The following CA10 variants were observed in gnomAD, a reference collection of about 807,000 sequenced individuals.
CA10 encodes carbonic anhydrase 10 (inactive), also known as carbonic anhydrase-related protein 10.
CA10 carries 14 observed loss-of-function variants against 44.2 expected under a neutral mutation model. That is an observed-to-expected ratio of 0.32 (90% CI 0.21 to 0.50). The LOEUF is 0.50. CA10 is among the 20% of genes least tolerant of loss of function. The pLI, the probability that CA10 is intolerant of heterozygous loss-of-function variation, is 0.99. For synonymous variants in CA10, 159 were observed against 141.6 expected (o/e 1.12, Z -0.87); for missense variants, 350 against 409.7 (o/e 0.85, Z 1.26).
intron 2 of CA10, among the ~76,000 whole-genome samples, chr17:51,955,904 T>C (rs955795720): frequency 6.6e-6 from 1 of 152,054 alleles, no homozygotes; most frequent in Non-Finnish European, 1.5e-5. Context: ...AGATGACGGA[T>C]TGACGGATGC....
chr17:51,889,756 T>C (rs577127493), intron 3 of CA10, among the ~76,000 whole-genome samples: 39 of 152,308 alleles, frequency 2.6e-4, no homozygotes, highest in African/African-American at 9.1e-4. Context: ...ACCATTTAAC[T>C]ACAAATTTCT....
chr17:51,879,717 C>T (rs1055102844), intron 3 of CA10, among the ~76,000 whole-genome samples: 3 of 152,168 alleles, frequency 2.0e-5, no homozygotes, highest in East Asian at 3.9e-4. Context: ...TTGCTCCCAA[C>T]AGAATCCTGG....
chr17:51,720,917 T>C (rs1817243869), intron 4 of CA10, among the ~76,000 whole-genome samples: 1 of 152,204 alleles, frequency 6.6e-6, no homozygotes, highest in South Asian at 2.1e-4. Flanking sequence ...CATAAAAAAA[T>C]GATGTGAGGT....
chr17:51,928,542 A>G (rs1444662015), intron 3 of CA10, among the ~76,000 whole-genome samples: 1 of 152,170 alleles, frequency 6.6e-6, no homozygotes, highest in African/African-American at 2.4e-5. Context: ...AGTTTTGTGC[A>G]TAAGATACAC....
chr17:52,053,363 T>C (rs1987132074), intron 2 of CA10, among the ~76,000 whole-genome samples: 1 of 151,836 alleles, frequency 6.6e-6, no homozygotes, highest in Non-Finnish European at 1.5e-5. Context: ...GGGAAATCAA[T>C]AGCATGAGAG....
chr17:51,741,271 C>T (rs1250796540), intron 4 of CA10, among the ~76,000 whole-genome samples: 2 of 152,116 alleles, frequency 1.3e-5, no homozygotes, highest in African/African-American at 2.4e-5. Flanking sequence ...TCCAGGGTAG[C>T]GCTTAATTGT....
intron 3 of CA10, among the ~76,000 whole-genome samples, chr17:51,767,057 T>C (rs1905411730): frequency 1.3e-5 from 2 of 152,224 alleles, no homozygotes; most frequent in Non-Finnish European, 2.9e-5. Context: ...TCTTGGCCAT[T>C]GACTAAATCC....
In CA10 at chr17:51,909,584, C is replaced by T. The variant is rs145215629; in HGVS notation, c.279+21406G>A. On this transcript the variant is annotated intron_variant, in intron 3 of 8. Transcript: ENST00000451037. The stretch of plus-strand genomic sequence containing the variant: ...ATTACAGTGTTGAGATGAAACGGAA[C>T]CTGTCAATTTCCAATCATCTATTCA... Among the ~76,000 whole-genome samples the T allele has an allele frequency of 4.1e-4, 63 of 152,178 alleles. 1 individual carries two copies. In the East Asian group the frequency reaches 0.011, roughly 27 times the overall value.
At chr17:51,758,438 G>T (rs1268594677) in intron 3 of CA10, among the ~76,000 whole-genome samples, 1 of 152,182 alleles carries the variant, frequency 6.6e-6, no homozygotes, top group Non-Finnish European at 1.5e-5. Context: ...ACTAAGGCGT[G>T]GGCTAAATCA....
chr17:51,824,818 T>C (rs974818544), intron 3 of CA10, among the ~76,000 whole-genome samples: 2 of 152,258 alleles, frequency 1.3e-5, no homozygotes, highest in Admixed American at 1.3e-4. Flanking sequence ...TCTTAAACTA[T>C]GGTGGACTGA....
rs1342414311 is a variant in CA10 at position 52,157,970 on chromosome 17, G to A, written c.-184C>T. ...CAATATCGCAGTTTGAATTGTTCCG[G>A]CAAATCTCCCCTCGGGCTCGACGGA... is the stretch of plus-strand genomic sequence containing the variant. On this transcript the variant is annotated 5_prime_UTR_variant, in exon 1 of 9. Coordinates refer to ENST00000451037, the MANE Select transcript of CA10 (RefSeq NM_020178.5). The A allele has an allele frequency of 3.2e-6, 2 of 634,296 alleles. No individual in the cohort carries two copies. Among genetic ancestry groups the A allele is most frequent in the Non-Finnish European group, 2.8e-6 (1 of 351,562 alleles). 39.3% of individuals were successfully genotyped at this position (634,296 alleles called of 1,614,324 possible).
chr17:51,781,043 T>C (rs1021117688), intron 3 of CA10, among the ~76,000 whole-genome samples: 1 of 152,124 alleles, frequency 6.6e-6, no homozygotes, highest in African/African-American at 2.4e-5. Context: ...GTGTCTATCA[T>C]AAGTAGTTCA....
intron 2 of CA10, among the ~76,000 whole-genome samples, chr17:51,994,334 A>C (rs1401033293): frequency 6.6e-6 from 1 of 152,076 alleles, no homozygotes. Context: ...TTAAGACCCT[A>C]CATGGTATAA....
At chr17:51,864,564 T>A (rs1023126851) in intron 3 of CA10, among the ~76,000 whole-genome samples, 13 of 152,328 alleles carry the variant, frequency 8.5e-5, no homozygotes, top group African/African-American at 3.1e-4. Flanking sequence ...GACTTTGAAT[T>A]TCTACTTAAA....
intron 3 of CA10, among the ~76,000 whole-genome samples, chr17:51,848,198 G>T (rs911628318): frequency 4.6e-5 from 7 of 152,322 alleles, no homozygotes; most frequent in Non-Finnish European, 2.9e-5. Context: ...TCTTCATTTG[G>T]TTGATGCATC....
At chr17:51,932,848 T>C (rs1982717774) in intron 2 of CA10, among the ~76,000 whole-genome samples, 1 of 152,178 alleles carries the variant, frequency 6.6e-6, no homozygotes, top group Admixed American at 6.5e-5. Flanking sequence ...TTAAGAAAGT[T>C]CTTGCATTAT....
At chr17:52,082,181 C>T (rs560488698) in intron 1 of CA10, among the ~76,000 whole-genome samples, 2 of 152,242 alleles carry the variant, frequency 1.3e-5, no homozygotes, top group East Asian at 3.9e-4. Context: ...GGGAGAATGA[C>T]ATGTGAACCT....
At chr17:51,741,155 T>C (rs1208512855) in intron 4 of CA10, among the ~76,000 whole-genome samples, 1 of 152,154 alleles carries the variant, frequency 6.6e-6, no homozygotes, top group Non-Finnish European at 1.5e-5. Flanking sequence ...GTGTTGGCAG[T>C]GAGATTCTGC....
At chr17:51,951,368 C>A (rs968757322) in intron 2 of CA10, among the ~76,000 whole-genome samples, 3 of 152,158 alleles carry the variant, frequency 2.0e-5, no homozygotes, top group African/African-American at 7.2e-5. Flanking sequence ...CCTTGGCTCA[C>A]TCACTTTGTC....
Sources: allele counts gnomAD v4.1 joint callset (sites outside exome capture counted in the v4.1 genomes callset), GRCh38; gene constraint gnomAD v4.1.1; transcripts MANE v1.5; gene names NCBI Gene and HGNC (gene_info 2026-07-23, HGNC 2026-07-21).